Variants in RBFOX1 observed in about 807,000 individuals in gnomAD.
The protein encoded by RBFOX1 is RNA binding protein fox-1 homolog 1.
Under a neutral mutation model 57.7 loss-of-function variants are expected in RBFOX1, and 8 were observed. The ratio of observed to expected loss-of-function variants is 0.14; its 90% CI spans 0.08 to 0.25. The LOEUF (loss-of-function observed/expected upper bound fraction) is 0.25, where lower values mean the gene tolerates loss of function less well. RBFOX1 is among the 10% of genes least tolerant of loss of function. The pLI, the probability that RBFOX1 is intolerant of heterozygous loss-of-function variation, is 1.00. For synonymous variants in RBFOX1, 326 were observed against 222.4 expected, an observed-to-expected ratio of 1.47 and a Z score of -4.15; for missense variants, 611 against 548.5, an observed-to-expected ratio of 1.11 and a Z score of -1.14.
intron 6 of RBFOX1, among the ~76,000 whole-genome samples, chr16:7,582,878 A>T (rs8060733): frequency 0.69 from 104,930 of 151,974 alleles, 40,542 homozygotes; most frequent in Non-Finnish European, 0.88. Context: ...GCAAAACAAG[A>T]CAAAAAAGCA....
intron 3 of RBFOX1, among the ~76,000 whole-genome samples, chr16:6,985,049 G>C (rs182293696): frequency 1.4e-5 from 2 of 140,242 alleles, no homozygotes; most frequent in South Asian, 5.1e-4. Context: ...ATCCCAATGA[G>C]TTAGTTCCTC....
intron 2 of RBFOX1, among the ~76,000 whole-genome samples, chr16:6,337,246 G>T (rs962352841): frequency 1.3e-5 from 2 of 152,106 alleles, no homozygotes; most frequent in African/African-American, 4.8e-5. Context: ...GCCCTATGAG[G>T]TTCAATGGTC....
intron 1 of RBFOX1, among the ~76,000 whole-genome samples, chr16:6,235,965 C>G (rs1424095351): frequency 6.6e-6 from 1 of 151,946 alleles, no homozygotes; most frequent in African/African-American, 2.4e-5. Context: ...AAAGAATTTA[C>G]TCATGTAACC....
chr16:6,354,579 T>G (rs2086956499), intron 2 of RBFOX1, among the ~76,000 whole-genome samples: 1 of 152,180 alleles, frequency 6.6e-6, no homozygotes, highest in East Asian at 1.9e-4. Context: ...CCCTGCCCTC[T>G]TCCTCTGGCT....
intron 2 of RBFOX1, among the ~76,000 whole-genome samples, chr16:5,554,619 T>C (rs2045599701): frequency 6.6e-6 from 1 of 152,162 alleles, no homozygotes; most frequent in South Asian, 2.1e-4. Context: ...GCCAATGTAA[T>C]GTCTATCTTG....
chr16:7,690,826 A>T (rs1404049389), intron 14 of RBFOX1, among the ~76,000 whole-genome samples: 1 of 152,152 alleles, frequency 6.6e-6, no homozygotes, highest in Non-Finnish European at 1.5e-5. Flanking sequence ...AAGGTGAAAC[A>T]GCTGTACATA....
intron 4 of RBFOX1, among the ~76,000 whole-genome samples, chr16:5,984,673 C>T (rs536615937): frequency 4.6e-4 from 70 of 152,214 alleles, no homozygotes; most frequent in Middle Eastern, 3.4e-3. Context: ...GGGACACATT[C>T]TGAGAAGTGC....
At position 5,608,655 on chromosome 16, in the gene RBFOX1, C is replaced by T. The variant is rs1347397399; in HGVS notation, c.318+9694C>T. Reference sequence around the variant, plus strand: ...TTATTATTGATTATTTCAGCTCTGTCCAGTTTGAGTGCTGGAGTTGTCTGT... The same window carrying T: ...TTATTATTGATTATTTCAGCTCTGTTCAGTTTGAGTGCTGGAGTTGTCTGT... On this transcript the variant is annotated intron_variant, in intron 3 of 19. Coordinates refer to the RBFOX1 transcript ENST00000641259. 2.0e-5 allele frequency among the ~76,000 whole-genome samples: 3 copies of T among 152,298 alleles called. No individual in the cohort carries two copies. In the East Asian group the frequency reaches 5.8e-4, roughly 29 times the overall value.
At chr16:6,803,447 C>G (rs1206345598) in intron 3 of RBFOX1, among the ~76,000 whole-genome samples, 2 of 152,172 alleles carry the variant, frequency 1.3e-5, no homozygotes, top group East Asian at 1.9e-4. Flanking sequence ...CTTGGAAAAA[C>G]AAACATTTGT....
chr16:6,134,575 C>G (rs937561994), intron 1 of RBFOX1, among the ~76,000 whole-genome samples: 1 of 152,132 alleles, frequency 6.6e-6, no homozygotes, highest in East Asian at 1.9e-4. Flanking sequence ...TAGTTCTGCC[C>G]TACTCAGAAG....
intron 4 of RBFOX1, among the ~76,000 whole-genome samples, chr16:5,962,980 G>A (rs1169489320): frequency 6.6e-6 from 1 of 152,000 alleles, no homozygotes; most frequent in African/African-American, 2.4e-5. Flanking sequence ...CTCCACTCTG[G>A]TCTTGAATTT....
chr16:6,287,001 G>A (rs915804551), intron 1 of RBFOX1, among the ~76,000 whole-genome samples: 1 of 152,058 alleles, frequency 6.6e-6, no homozygotes. Flanking sequence ...TGGGGTTTTA[G>A]GTGAGTCTGA....
Position 7,288,036 on chromosome 16 carries a change from G to A in RBFOX1, c.28-230111G>A, listed in dbSNP as rs925433511. Among the ~76,000 whole-genome samples the A allele has an allele frequency of 1.6e-4, 25 of 152,228 alleles. No homozygotes were observed. In the East Asian group the frequency reaches 3.9e-3, roughly 24 times the overall value. ...GCTGGCTGAGATCTGTTTTCCTCAT[G>A]TTCTGTAGAAGGGAAGGAGTAACAT... On this transcript the variant is annotated intron_variant, in intron 4 of 15. Coordinates refer to ENST00000550418, the MANE Select transcript of RBFOX1 (RefSeq NM_018723.4).
chr16:6,696,197 T>C, intron 3 of RBFOX1, among the ~76,000 whole-genome samples: 1 of 152,338 alleles, frequency 6.6e-6, no homozygotes, highest in Non-Finnish European at 1.5e-5. Flanking sequence ...CTCTAGTTGA[T>C]ATAATAAATA....
At chr16:7,292,529 T>TAC (rs1221465597) in intron 4 of RBFOX1, among the ~76,000 whole-genome samples, 4 of 81,030 alleles carry the variant, frequency 4.9e-5, no homozygotes, top group African/African-American at 1.3e-4. Flanking sequence ...ATACTATATG[T>TAC]ATACACACAC....
chr16:6,428,115 C>T (rs147089251), intron 2 of RBFOX1, among the ~76,000 whole-genome samples: 2,122 of 151,704 alleles, frequency 0.014, 29 homozygotes, highest in Non-Finnish European at 0.023. Flanking sequence ...AGACCCCATC[C>T]CTACAACAAA....
chr16:7,664,161 C>T (rs766932215), intron 12 of RBFOX1, among the ~76,000 whole-genome samples: 4 of 152,184 alleles, frequency 2.6e-5, no homozygotes, highest in Non-Finnish European at 5.9e-5. Flanking sequence ...AATAAGTATA[C>T]ACATGCATAT....
chr16:6,597,649 G>C (rs1230913494), intron 2 of RBFOX1, among the ~76,000 whole-genome samples: 3 of 152,218 alleles, frequency 2.0e-5, no homozygotes, highest in Admixed American at 6.5e-5. Context: ...ACTCCAGCTT[G>C]GGTTGAGAGC....
rs988117241 is a variant in RBFOX1 at position 7,073,922 on chromosome 16, G to T, written c.27+21824G>T. On this transcript the variant is annotated intron_variant, in intron 4 of 15. Transcript: ENST00000550418. ...GAAAAAAAAATTGACTGACAATCCAGAGCAGTGTTTGGCAAGCCACAGTTT... is the reference window on the plus strand; with the variant it reads ...GAAAAAAAAATTGACTGACAATCCATAGCAGTGTTTGGCAAGCCACAGTTT... 5.9e-5 allele frequency among the ~76,000 whole-genome samples: 9 copies of T among 151,948 alleles called. No homozygotes were observed. In the East Asian group the frequency reaches 1.5e-3, roughly 26 times the overall value.
Sources: gnomAD v4.1 joint callset for allele counts (sites outside exome capture counted in the v4.1 genomes callset) on GRCh38, gnomAD v4.1.1 for gene constraint, MANE v1.5 for transcripts, NCBI Gene and HGNC (gene_info 2026-07-23, HGNC 2026-07-21) for gene names.